Variants in SEMA6D observed in about 807,000 individuals in gnomAD.
The protein encoded by SEMA6D is semaphorin-6D.
In SEMA6D, 35 loss-of-function variants were observed where a neutral mutation model predicts 106.6. That is an observed-to-expected ratio of 0.33 (90% CI 0.25 to 0.44). The LOEUF (loss-of-function observed/expected upper bound fraction) is 0.44. Among genes scored for constraint, SEMA6D ranks in the 20% least tolerant of loss-of-function variants. The pLI is 1.00. For missense variants in SEMA6D, 1,185 were observed against 1,345.9 expected, an observed-to-expected ratio of 0.88 and a Z score of 1.87; for synonymous variants, 499 against 487.7, an observed-to-expected ratio of 1.02 and a Z score of -0.31.
intron 3 of SEMA6D, among the ~76,000 whole-genome samples, chr15:47,585,422 C>T (rs778444739): frequency 9.9e-5 from 15 of 152,142 alleles, no homozygotes; most frequent in African/African-American, 2.7e-4. Flanking sequence ...TTTATTTAAA[C>T]GGCTCTCATG....
chr15:47,330,004 C>T (rs1185680539), intron 1 of SEMA6D, among the ~76,000 whole-genome samples: 2 of 152,202 alleles, frequency 1.3e-5, no homozygotes, highest in Non-Finnish European at 2.9e-5. Context: ...TCATGCTGTA[C>T]TGCCTCTATT....
intron 1 of SEMA6D, among the ~76,000 whole-genome samples, chr15:47,221,286 G>C (rs185299030): frequency 2.0e-4 from 31 of 152,294 alleles, no homozygotes; most frequent in Admixed American, 8.5e-4. Flanking sequence ...TGCAGAGCAG[G>C]CCCTCCCCAT....
At chr15:47,404,138 G>A (rs2040484294) in intron 1 of SEMA6D, among the ~76,000 whole-genome samples, 1 of 152,112 alleles carries the variant, frequency 6.6e-6, no homozygotes, top group Non-Finnish European at 1.5e-5. Context: ...AAGGGATATG[G>A]GGATATCATT....
intron 1 of SEMA6D, among the ~76,000 whole-genome samples, chr15:47,277,020 T>G (rs866625233): frequency 2.0e-5 from 3 of 152,104 alleles, no homozygotes; most frequent in Non-Finnish European, 4.4e-5. Flanking sequence ...AGGAAATAAC[T>G]GTAGATGTGG....
intron 3 of SEMA6D, 31 bp from the exon 4 acceptor site, chr15:47,760,947 G>A (rs778504140): frequency 2.5e-6 from 4 of 1,580,100 alleles, no homozygotes; most frequent in East Asian, 4.5e-5. Flanking sequence ...ATGTATTCAC[G>A]TGATATGTTT....
intron 3 of SEMA6D, among the ~76,000 whole-genome samples, chr15:47,567,289 G>C (rs924708049): frequency 6.4e-4 from 98 of 152,210 alleles, no homozygotes; most frequent in African/African-American, 2.1e-3. Flanking sequence ...TTCAAACCCT[G>C]GCTTTTATGT....
At chr15:47,289,831 C>T (rs1217787948) in intron 1 of SEMA6D, among the ~76,000 whole-genome samples, 1 of 151,748 alleles carries the variant, frequency 6.6e-6, no homozygotes. Flanking sequence ...CTTATGCATT[C>T]TAGATCACCA....
chr15:47,433,254 C>T (rs1212557974), intron 2 of SEMA6D, among the ~76,000 whole-genome samples: 3 of 151,944 alleles, frequency 2.0e-5, no homozygotes, highest in Non-Finnish European at 4.4e-5. Context: ...GAATTGGGCT[C>T]TTCAATTATT....
At chr15:47,500,459 C>A (rs1197808541) in intron 3 of SEMA6D, among the ~76,000 whole-genome samples, 1 of 152,038 alleles carries the variant, frequency 6.6e-6, no homozygotes, top group Non-Finnish European at 1.5e-5. Context: ...TTATTCCATA[C>A]TTTTATCAAA....
chr15:47,436,206 G>A (rs1348579012), intron 2 of SEMA6D, among the ~76,000 whole-genome samples: 3 of 152,036 alleles, frequency 2.0e-5, no homozygotes, highest in Middle Eastern at 3.4e-3. Flanking sequence ...ACTGGCCAAC[G>A]TGGTGAAACT....
intron 4 of SEMA6D, among the ~76,000 whole-genome samples, chr15:47,666,100 C>G (rs2078021783): frequency 6.6e-6 from 1 of 152,186 alleles, no homozygotes; most frequent in Non-Finnish European, 1.5e-5. Flanking sequence ...ACATCCCGAA[C>G]ATTTCTGGTG....
At chr15:47,424,503 A>G (rs1367922158) in intron 2 of SEMA6D, among the ~76,000 whole-genome samples, 2 of 152,122 alleles carry the variant, frequency 1.3e-5, no homozygotes, top group Non-Finnish European at 2.9e-5. Context: ...GGTTTGTAAT[A>G]ACTTGGAAAG....
At chr15:47,504,406 T>C (rs1219252478) in intron 3 of SEMA6D, among the ~76,000 whole-genome samples, 1 of 152,026 alleles carries the variant, frequency 6.6e-6, no homozygotes, top group Non-Finnish European at 1.5e-5. Flanking sequence ...AGGAGTTCAG[T>C]GCAAGCATAG....
chr15:47,208,563 C>A (rs968002500), intron 1 of SEMA6D, among the ~76,000 whole-genome samples: 1 of 152,100 alleles, frequency 6.6e-6, no homozygotes, highest in Non-Finnish European at 1.5e-5. Flanking sequence ...CATTCTATTG[C>A]TTTCCATTTC....
chr15:47,662,786 A>G (rs2077950300), intron 4 of SEMA6D, among the ~76,000 whole-genome samples: 1 of 151,976 alleles, frequency 6.6e-6, no homozygotes, highest in Non-Finnish European at 1.5e-5. Context: ...TTTCACCTAG[A>G]TTGAGGGGGT....
intron 1 of SEMA6D, among the ~76,000 whole-genome samples, chr15:47,333,658 G>C (rs2037434255): frequency 6.6e-6 from 1 of 152,082 alleles, no homozygotes; most frequent in East Asian, 1.9e-4. Context: ...CTCTTGCCAG[G>C]CACTATTCTA....
intron 3 of SEMA6D, among the ~76,000 whole-genome samples, chr15:47,595,010 G>T (rs1430497737): frequency 6.6e-6 from 1 of 152,130 alleles, no homozygotes; most frequent in African/African-American, 2.4e-5. Flanking sequence ...ACTTTTGCTG[G>T]AATCTGGGAG....
chr15:47,752,612 T>G (rs776493173), intron 1 of SEMA6D, among the ~76,000 whole-genome samples: 26 of 152,118 alleles, frequency 1.7e-4, no homozygotes, highest in Non-Finnish European at 3.5e-4. Context: ...GGACAGTACT[T>G]AAATGGTTAA....
intron 1 of SEMA6D, among the ~76,000 whole-genome samples, chr15:47,200,100 T>C (rs953075552): frequency 3.3e-5 from 5 of 152,146 alleles, no homozygotes; most frequent in Admixed American, 3.3e-4. Flanking sequence ...TACGTTCTGC[T>C]CAAACCAAAA....
Sources: gnomAD v4.1 joint callset for allele counts (sites outside exome capture counted in the v4.1 genomes callset) on GRCh38, gnomAD v4.1.1 for gene constraint, MANE v1.5 for transcripts, NCBI Gene and HGNC (gene_info 2026-07-23, HGNC 2026-07-21) for gene names.